KLC4: variants seen among roughly 807,000 people sequenced by gnomAD.
KLC4 encodes kinesin light chain 4.
In KLC4, 49 loss-of-function variants were observed where a neutral mutation model predicts 77.2. The observed-to-expected ratio is 0.63, with a 90% CI of 0.50 to 0.80. The LOEUF (loss-of-function observed/expected upper bound fraction) is 0.80. KLC4 is among the 30% of genes least tolerant of loss of function. The pLI is 0.00. For synonymous variants in KLC4, 274 were observed against 314.5 expected, an observed-to-expected ratio of 0.87 and a Z score of 1.36; for missense variants, 669 against 793.5, an observed-to-expected ratio of 0.84 and a Z score of 1.89.
intron 1 of KLC4, chr6:43,060,691 T>G: frequency 3.1e-6 from 3 of 958,510 alleles, no homozygotes; most frequent in Non-Finnish European, 3.8e-6. Context: ...AAGTATGGGT[T>G]GAAGGTTAGT....
intron 1 of KLC4, chr6:43,060,166 C>A: frequency 6.2e-7 from 1 of 1,611,912 alleles, no homozygotes; most frequent in Non-Finnish European, 8.5e-7. Context: ...TACGGTGATT[C>A]CTCTCAGAGC....
In KLC4 at chr6:43,062,305, C is replaced by T. The variant is rs865915699; in HGVS notation, c.259-612C>T. On this transcript the variant is annotated intron_variant, in intron 2 of 15. Coordinates refer to ENST00000347162, the MANE Select transcript of KLC4 (RefSeq NM_201521.3). ...GTGTTGCCCAGGCTGGATGTAGTGG[C>T]ACAATCCTGGCTCTCTGCAACCTCT... Among the ~76,000 whole-genome samples the T allele has an allele frequency of 3.2e-4, 48 of 152,372 alleles. 1 individual carries two copies. The South Asian group carries it at 3.9e-3, about 12-fold the overall frequency.
chr6:43,071,749 C>T, intron 10 of KLC4, 103 bp from the exon 11 acceptor site: 1 of 1,458,366 alleles, frequency 6.9e-7, no homozygotes, highest in African/African-American at 1.4e-5. Flanking sequence ...TCCTCCCCAG[C>T]CCAGCCTGCA....
Position 43,063,161 on chromosome 6 carries a change from G to A in KLC4, c.489+14G>A, listed in dbSNP as rs764362392. ...GGACATACCTCGGTGAGTGTGCACAGGCGAGACTGGCTGAGGGGTGGGCAG... is the reference window on the plus strand; with the variant it reads ...GGACATACCTCGGTGAGTGTGCACAAGCGAGACTGGCTGAGGGGTGGGCAG... On this transcript the variant is annotated intron_variant, in intron 3 of 15. Coordinates refer to ENST00000347162, the MANE Select transcript of KLC4 (RefSeq NM_201521.3). 1 of 1,592,018 alleles carries A rather than the reference G, an allele frequency of 6.3e-7. No homozygotes were observed. The highest frequency in any genetic ancestry group is 1.3e-5 in the African/African-American group (1 of 74,596).
chr6:43,061,929 GA>G (rs957361340), intron 2 of KLC4, among the ~76,000 whole-genome samples: 2 of 152,178 alleles, frequency 1.3e-5, no homozygotes, highest in African/African-American at 4.8e-5. Flanking sequence ...GGACTGTGGG[GA>G]GAGGGTATAA....
At chr6:43,074,466 C>T in intron 15 of KLC4, 156 bp from the exon 16 acceptor site, 1 of 682,162 alleles carries the variant, frequency 1.5e-6, no homozygotes, top group South Asian at 1.8e-5. Context: ...CTAGCAGAGG[C>T]TAAACAAAGT....
At chr6:43,064,410 G>C (rs187145982) in intron 3 of KLC4, among the ~76,000 whole-genome samples, 9 of 152,354 alleles carry the variant, frequency 5.9e-5, no homozygotes, top group Admixed American at 5.9e-4. Flanking sequence ...TATAGCCTCA[G>C]CTACTCTGGA....
Position 43,074,821 on chromosome 6 carries a change from A to C in KLC4, c.*149A>C. Reference sequence around the variant, plus strand: ...AGATTGCTGCTGCCCTTAGGGTCTCAGCTCCCTCCTCAGGAATCCCTCTTA... The same window carrying C: ...AGATTGCTGCTGCCCTTAGGGTCTCCGCTCCCTCCTCAGGAATCCCTCTTA... On this transcript the variant is annotated 3_prime_UTR_variant, in exon 16 of 16. Coordinates refer to ENST00000347162, the MANE Select transcript of KLC4 (RefSeq NM_201521.3). The C allele has an allele frequency of 2.9e-6, 2 of 681,200 alleles. No homozygotes were observed. Among genetic ancestry groups the C allele is most frequent in the Non-Finnish European group, 5.3e-6 (2 of 377,510 alleles). The allele number at this position is 681,200 out of a possible 1,614,324, so 42.2% of individuals were successfully genotyped here.
chr6:43,071,515 G>T, intron 9 of KLC4, 52 bp from the exon 10 acceptor site: 1 of 1,596,222 alleles, frequency 6.3e-7, no homozygotes. Context: ...CTGGCTCTCC[G>T]ACACTGTCTA....
At chr6:43,064,118 G>A (rs148939886) in intron 3 of KLC4, among the ~76,000 whole-genome samples, 1,815 of 151,198 alleles carry the variant, frequency 0.012, 42 homozygotes, top group African/African-American at 0.041. Flanking sequence ...GATTACAGGC[G>A]TGAGCCACCA....
intron 3 of KLC4, among the ~76,000 whole-genome samples, chr6:43,063,392 G>A (rs1765262055): frequency 6.6e-6 from 1 of 152,214 alleles, no homozygotes; most frequent in South Asian, 2.1e-4. Context: ...CACTGCACTG[G>A]TGAATGGGGC....
In KLC4 at chr6:43,071,564, T is replaced by C. The variant is rs778151909; in HGVS notation, c.1256-3T>C. The C allele has an allele frequency of 1.2e-6, 2 of 1,613,038 alleles. No homozygotes were observed. Among genetic ancestry groups the C allele is most frequent in the Non-Finnish European group, 1.7e-6 (2 of 1,179,672 alleles). On this transcript the variant is annotated splice_region_variant and splice_polypyrimidine_tract_variant and intron_variant, in intron 9 of 15. Coordinates refer to ENST00000347162, the MANE Select transcript of KLC4 (RefSeq NM_201521.3). ...ACCTCCCCACCCCATGTATCACCCC[T>C]AGATGACCACAAGCCCATCTGGATG... is the stretch of plus-strand genomic sequence containing the variant.
intron 13 of KLC4, 103 bp from the exon 14 acceptor site, chr6:43,073,120 C>A: frequency 7.6e-7 from 1 of 1,310,602 alleles, no homozygotes; most frequent in Non-Finnish European, 1.1e-6. Context: ...AGTCACTGGG[C>A]CTTGGGGGTG....
intron 1 of KLC4, chr6:43,060,183 G>A: frequency 6.2e-7 from 1 of 1,613,814 alleles, no homozygotes; most frequent in Non-Finnish European, 8.5e-7. Flanking sequence ...GAGCCTGTTT[G>A]TAGGTGACCG....
chr6:43,060,246 T>G, intron 1 of KLC4: 1 of 1,614,090 alleles, frequency 6.2e-7, no homozygotes, highest in Non-Finnish European at 8.5e-7. Flanking sequence ...CAGGTGTTCC[T>G]CCCTCCCCTT....
intron 11 of KLC4, 56 bp downstream of exon 11, chr6:43,071,978 C>T: frequency 6.6e-7 from 1 of 1,512,060 alleles, no homozygotes. Context: ...CCAGTCCCTG[C>T]TCCCAGCCTC....
At position 43,068,333 on chromosome 6, in the gene KLC4, G is replaced by A. The variant is rs530334503; in HGVS notation, c.879+1250G>A. Among the ~76,000 whole-genome samples, 376 of 149,400 alleles carry A rather than the reference G, an allele frequency of 2.5e-3. 1 individual carries two copies. The highest frequency in any genetic ancestry group is 2.8e-3 in the Non-Finnish European group (189 of 67,410). On this transcript the variant is annotated intron_variant, in intron 6 of 15. Transcript: ENST00000347162. ...CTAAAAATACAAAAATTAGCCGGGCGTGGTGGGGGGCACTTGTAATCCCAG... is the reference window on the plus strand; with the variant it reads ...CTAAAAATACAAAAATTAGCCGGGCATGGTGGGGGGCACTTGTAATCCCAG...
intron 15 of KLC4, chr6:43,074,202 T>A: frequency 2.1e-6 from 1 of 481,370 alleles, no homozygotes; most frequent in Middle Eastern, 5.4e-4. Context: ...AATAGGAATA[T>A]TCTGTAAACT....
intron 1 of KLC4, chr6:43,060,483 G>C: frequency 7.3e-7 from 1 of 1,367,298 alleles, no homozygotes; most frequent in Non-Finnish European, 9.5e-7. Context: ...GGTGAAAGAA[G>C]GGGTGGGAAC....
Sources: allele counts gnomAD v4.1 joint callset (sites outside exome capture counted in the v4.1 genomes callset), GRCh38; gene constraint gnomAD v4.1.1; transcripts MANE v1.5; gene names NCBI Gene and HGNC (gene_info 2026-07-23, HGNC 2026-07-21).